Variants in COMMD1 observed in about 807,000 individuals in gnomAD.
COMMD1 encodes copper metabolism domain containing 1, also known as COMM domain-containing protein 1.
A neutral mutation model predicts 17.2 loss-of-function variants in COMMD1; 10 were observed. That is an observed-to-expected ratio of 0.58 (90% CI 0.36 to 0.99). The LOEUF (loss-of-function observed/expected upper bound fraction) is 0.99, where lower values mean the gene tolerates loss of function less well. Ranked by LOEUF, COMMD1 falls within the 50% of genes least tolerant of loss-of-function variation. COMMD1 has a pLI of 0.01. For missense variants in COMMD1, 270 were observed against 231.8 expected (o/e 1.17, Z -1.07); for synonymous variants, 97 against 91.6 (o/e 1.06, Z -0.34).
intron 1 of COMMD1, among the ~76,000 whole-genome samples, chr2:61,960,250 T>A (rs1671306222): frequency 6.6e-6 from 1 of 152,196 alleles, no homozygotes; most frequent in Admixed American, 6.5e-5. Context: ...ACTTTATACT[T>A]CTTCTTCAAA....
At chr2:62,038,331 A>C (rs1460802554) in intron 2 of COMMD1, among the ~76,000 whole-genome samples, 1 of 152,076 alleles carries the variant, frequency 6.6e-6, no homozygotes, top group Non-Finnish European at 1.5e-5. Context: ...AAAATAACCA[A>C]AAAACGATGA....
intron 2 of COMMD1, among the ~76,000 whole-genome samples, chr2:62,009,672 C>T (rs1669225775): frequency 6.6e-6 from 1 of 150,686 alleles, no homozygotes; most frequent in Non-Finnish European, 1.5e-5. Context: ...TTTGCTTTCA[C>T]ACACTTGTTA....
chr2:61,910,707 A>T (rs1669882726), intron 1 of COMMD1, among the ~76,000 whole-genome samples: 1 of 152,190 alleles, frequency 6.6e-6, no homozygotes, highest in African/African-American at 2.4e-5. Flanking sequence ...AACTATGAAG[A>T]TCAATCACCT....
At chr2:61,890,536 A>G (rs1283326231) in intron 1 of COMMD1, among the ~76,000 whole-genome samples, 1 of 152,056 alleles carries the variant, frequency 6.6e-6, no homozygotes, top group Admixed American at 6.5e-5. Flanking sequence ...TCTTTAACAC[A>G]CATTTAGCAT....
chr2:61,973,857 A>G (rs1427277023), intron 1 of COMMD1, among the ~76,000 whole-genome samples: 2 of 152,214 alleles, frequency 1.3e-5, no homozygotes, highest in Non-Finnish European at 2.9e-5. Flanking sequence ...GTATACCTAT[A>G]TAATCCACAC....
chr2:62,009,353 C>G (rs1669215596), intron 2 of COMMD1, among the ~76,000 whole-genome samples: 1 of 151,562 alleles, frequency 6.6e-6, no homozygotes, highest in African/African-American at 2.4e-5. Context: ...GCCTGTAATC[C>G]CAGCACTTTG....
At chr2:62,031,252 T>A (rs910270429) in intron 2 of COMMD1, among the ~76,000 whole-genome samples, 1 of 152,230 alleles carries the variant, frequency 6.6e-6, no homozygotes, top group African/African-American at 2.4e-5. Flanking sequence ...GGCCTCTGTA[T>A]AACAGAAGAC....
chr2:61,953,734 G>A (rs1040817748), intron 1 of COMMD1, among the ~76,000 whole-genome samples: 1 of 152,080 alleles, frequency 6.6e-6, no homozygotes, highest in African/African-American at 2.4e-5. Context: ...CCATTTGGAG[G>A]TAGGAAAATA....
chr2:62,132,827 G>A (rs1244751443), intron 2 of COMMD1, among the ~76,000 whole-genome samples: 1 of 138,776 alleles, frequency 7.2e-6, no homozygotes, highest in Non-Finnish European at 1.5e-5. Context: ...GCGACAGAGC[G>A]AGACTCTTGT....
At chr2:62,035,280 CCAATA>C (rs1485200609) in intron 2 of COMMD1, among the ~76,000 whole-genome samples, 1 of 152,148 alleles carries the variant, frequency 6.6e-6, no homozygotes, top group Non-Finnish European at 1.5e-5. Flanking sequence ...TCCCTTTATT[CCAATA>C]CATATTTATT....
chr2:61,931,997 T>C (rs1223376544), intron 1 of COMMD1, among the ~76,000 whole-genome samples: 1 of 152,158 alleles, frequency 6.6e-6, no homozygotes, highest in African/African-American at 2.4e-5. Context: ...CCATGGTCTT[T>C]GTTGTTGTTT....
intron 2 of COMMD1, among the ~76,000 whole-genome samples, chr2:62,117,996 A>G (rs930290668): frequency 3.0e-4 from 45 of 151,332 alleles, no homozygotes; most frequent in Non-Finnish European, 5.3e-4. Flanking sequence ...CCTGACTCCT[A>G]CTCTGCGTTT....
At chr2:62,096,915 C>G (rs572054463) in intron 2 of COMMD1, among the ~76,000 whole-genome samples, 2 of 152,328 alleles carry the variant, frequency 1.3e-5, no homozygotes, top group South Asian at 4.1e-4. Context: ...TCAATGTCAT[C>G]TAAATCTGGC....
chr2:61,925,120 A>T (rs1039110758), intron 1 of COMMD1, among the ~76,000 whole-genome samples: 18 of 151,472 alleles, frequency 1.2e-4, no homozygotes, highest in Non-Finnish European at 2.2e-4. Context: ...AGTCTAGGAG[A>T]TTCTCTGGGT....
At chr2:62,120,553 C>T (rs1200375128) in intron 2 of COMMD1, among the ~76,000 whole-genome samples, 4 of 152,054 alleles carry the variant, frequency 2.6e-5, no homozygotes, top group Non-Finnish European at 4.4e-5. Context: ...ATCTGCCTTT[C>T]AGCTTTTCAG....
Position 62,074,963 on chromosome 2 carries a change from C to T in COMMD1, c.463-60868C>T, listed in dbSNP as rs1286796201. Among the ~76,000 whole-genome samples the T allele has an allele frequency of 2.0e-5, 3 of 147,326 alleles. No homozygotes were observed. In the East Asian group the frequency reaches 6.1e-4, roughly 30 times the overall value. The stretch of plus-strand genomic sequence containing the variant: ...GGAGTGCAATGGCGCAATCTCGGCT[C>T]ACTTCAACTACTGCCTCCCGGGTTC... On this transcript the variant is annotated intron_variant, in intron 2 of 2. Coordinates refer to ENST00000311832, the MANE Select transcript of COMMD1 (RefSeq NM_152516.4).
chr2:62,008,487 A>G (rs1180085568), intron 2 of COMMD1, among the ~76,000 whole-genome samples: 1 of 152,202 alleles, frequency 6.6e-6, no homozygotes, highest in Non-Finnish European at 1.5e-5. Context: ...TTATTTTATC[A>G]ACGTTCAGTC....
chr2:62,087,604 G>A (rs908502153), intron 2 of COMMD1, among the ~76,000 whole-genome samples: 1 of 152,150 alleles, frequency 6.6e-6, no homozygotes, highest in African/African-American at 2.4e-5. Flanking sequence ...AAATTAGTCA[G>A]GCATGGGTGG....
chr2:61,938,964 A>G (rs776209188), intron 1 of COMMD1, among the ~76,000 whole-genome samples: 1 of 152,224 alleles, frequency 6.6e-6, no homozygotes, highest in East Asian at 1.9e-4. Context: ...ATTGTAGCCA[A>G]GAAATAATTC....
Sources: gnomAD v4.1 joint callset for allele counts (sites outside exome capture counted in the v4.1 genomes callset) on GRCh38, gnomAD v4.1.1 for gene constraint, MANE v1.5 for transcripts, NCBI Gene and HGNC (gene_info 2026-07-23, HGNC 2026-07-21) for gene names.